The following DOCK4 variants were observed in gnomAD, a reference collection of about 807,000 sequenced individuals.
DOCK4 encodes the protein dedicator of cytokinesis 4, also known as dedicator of cytokinesis protein 4.
In DOCK4, 97 loss-of-function variants were observed where a neutral mutation model predicts 268.1. That is an observed-to-expected ratio of 0.36 (90% confidence interval 0.31 to 0.43). The LOEUF is 0.43. DOCK4 is among the 20% of genes least tolerant of loss of function. The pLI is 1.00. For synonymous variants in DOCK4, 954 were observed against 887.2 expected (o/e 1.08, Z -1.34); for missense variants, 2,145 against 2,455.7 (o/e 0.87, Z 2.67).
At chr7:111,892,923 A>T (rs1383119080) in intron 16 of DOCK4, among the ~76,000 whole-genome samples, 2 of 152,184 alleles carry the variant, frequency 1.3e-5, no homozygotes, top group African/African-American at 4.8e-5. Context: ...AAGAAAACTC[A>T]GCTACTTGGG....
chr7:112,061,261 C>G (rs529068489), intron 1 of DOCK4, among the ~76,000 whole-genome samples: 1 of 152,288 alleles, frequency 6.6e-6, no homozygotes, highest in African/African-American at 2.4e-5. Context: ...TATTGCCCCC[C>G]ACTGCAAATA....
At chr7:112,023,504 C>T in intron 1 of DOCK4, 1 of 343,552 alleles carries the variant, frequency 2.9e-6, no homozygotes. Context: ...TCTCACGGAG[C>T]AAAAGCTCAG....
intron 1 of DOCK4, among the ~76,000 whole-genome samples, chr7:112,031,052 G>A (rs1803229593): frequency 6.6e-6 from 1 of 152,194 alleles, no homozygotes; most frequent in African/African-American, 2.4e-5. Context: ...GAACAGGGCA[G>A]AGGGAAAAAC....
In DOCK4 at chr7:112,074,889, C is replaced by T. The variant is rs551898196; in HGVS notation, c.38-70758G>A. Among the ~76,000 whole-genome samples the T allele has an allele frequency of 1.7e-3, 254 of 152,318 alleles. 1 individual carries two copies. The highest frequency in any genetic ancestry group is 0.01 in the Middle Eastern group (3 of 294). ...TTCTCTTCTCAGAGATCTATTTCAGCTCTACAGGGCTCCTCCTCTAAGTTT... is the reference window on the plus strand; with the variant it reads ...TTCTCTTCTCAGAGATCTATTTCAGTTCTACAGGGCTCCTCCTCTAAGTTT... On this transcript the variant is annotated intron_variant, in intron 1 of 52. Transcript: ENST00000428084.
At chr7:111,950,353 T>C (rs1019337784) in intron 8 of DOCK4, among the ~76,000 whole-genome samples, 2 of 152,270 alleles carry the variant, frequency 1.3e-5, no homozygotes, top group African/African-American at 4.8e-5. Flanking sequence ...CTGTGGTAAG[T>C]ATGATCAGAT....
At chr7:111,783,014 GAAAGAAA>G in intron 34 of DOCK4, 90 bp from the exon 35 acceptor site, 9 of 412,680 alleles carry the variant, frequency 2.2e-5, no homozygotes, top group African/African-American at 3.1e-5. Flanking sequence ...AAGAAAGAAA[GAAAGAAA>G]AAAAAAAAAA....
chr7:112,001,077 C>T (rs1162590661), intron 2 of DOCK4, among the ~76,000 whole-genome samples: 1 of 152,172 alleles, frequency 6.6e-6, no homozygotes, highest in Non-Finnish European at 1.5e-5. Context: ...AGATCAGTCT[C>T]ATATCATACA....
chr7:111,891,578 TCTTATTATCTTCTTCCAAAAA>T (rs1808291641), intron 16 of DOCK4, among the ~76,000 whole-genome samples: 1 of 152,214 alleles, frequency 6.6e-6, no homozygotes, highest in Non-Finnish European at 1.5e-5. Flanking sequence ...GCTCACCTTG[TCTTATTATCTTCTTCCAAAAA>T]ATACCAACAT....
At chr7:112,037,351 G>A (rs145768532) in intron 1 of DOCK4, among the ~76,000 whole-genome samples, 75 of 152,226 alleles carry the variant, frequency 4.9e-4, no homozygotes, top group South Asian at 1.5e-3. Context: ...ATTGTCAGTC[G>A]AGAAGCATCT....
In DOCK4 at chr7:111,940,106, T is replaced by C. The variant is rs758299430; in HGVS notation, c.977+4A>G. On this transcript the variant is annotated splice_donor_region_variant and intron_variant, in intron 11 of 52. Transcript: ENST00000428084. ...CCAGCCATCACCACGTGCATGTTTC[T>C]TACATGTATACTTTCAGAATGAGGT... 6.2e-7 allele frequency: 1 copy of C among 1,613,974 alleles called. No homozygotes were observed. The highest frequency in any genetic ancestry group is 8.5e-7 in the Non-Finnish European group (1 of 1,179,856).
At chr7:111,975,695 T>C (rs1480526747) in intron 8 of DOCK4, among the ~76,000 whole-genome samples, 5 of 152,158 alleles carry the variant, frequency 3.3e-5, no homozygotes, top group East Asian at 1.9e-4. Context: ...TCTATGGACA[T>C]AGTCCACTGT....
chr7:111,862,961 A>T, intron 23 of DOCK4: 1 of 202,180 alleles, frequency 4.9e-6, no homozygotes, highest in East Asian at 1.6e-4. Flanking sequence ...CAGTTATTAT[A>T]ACAAAATTAA....
chr7:111,783,015 AAAG>A, intron 34 of DOCK4, 91 bp from the exon 35 acceptor site: 86 of 1,065,974 alleles, frequency 8.1e-5, no homozygotes, highest in South Asian at 1.2e-4. Context: ...AGAAAGAAAG[AAAG>A]AAAAAAAAAA....
At chr7:112,120,602 G>A (rs1231244683) in intron 1 of DOCK4, among the ~76,000 whole-genome samples, 1 of 152,138 alleles carries the variant, frequency 6.6e-6, no homozygotes, top group Non-Finnish European at 1.5e-5. Flanking sequence ...TTGACATAAA[G>A]TCAACTTCTA....
In DOCK4 at chr7:111,872,358, A is replaced by C. The variant is rs888558021; in HGVS notation, c.1843-6T>G. ...TCCAGTGTATCCTGCAGAAACTGTT[A>C]GATAAAGAAGTAGCAAATGAGTAAA... On this transcript the variant is annotated splice_polypyrimidine_tract_variant and splice_region_variant and intron_variant, in intron 18 of 52. Transcript: ENST00000428084. 2.6e-6 allele frequency: 4 copies of C among 1,543,878 alleles called. No individual in the cohort carries two copies. Among genetic ancestry groups the C allele is most frequent in the Non-Finnish European group, 1.7e-6 (2 of 1,144,194 alleles).
At chr7:111,799,139 TAA>T (rs1422719539) in intron 30 of DOCK4, among the ~76,000 whole-genome samples, 2 of 152,066 alleles carry the variant, frequency 1.3e-5, no homozygotes, top group Non-Finnish European at 2.9e-5. Context: ...CCTACAGAAA[TAA>T]AAGAGGCCAC....
intron 35 of DOCK4, 124 bp from the exon 36 acceptor site, chr7:111,778,493 A>G: frequency 2.0e-6 from 1 of 500,294 alleles, no homozygotes; most frequent in Non-Finnish European, 3.5e-6. Context: ...CCATGTAAAT[A>G]TCTCTAAAAA....
intron 16 of DOCK4, among the ~76,000 whole-genome samples, chr7:111,890,666 T>TA (rs1232186113): frequency 6.6e-5 from 10 of 152,270 alleles, no homozygotes; most frequent in African/African-American, 2.4e-4. Flanking sequence ...ACAAAGTATT[T>TA]ACTATAACAG....
chr7:112,037,055 T>C (rs569887772), intron 1 of DOCK4, among the ~76,000 whole-genome samples: 23 of 152,190 alleles, frequency 1.5e-4, no homozygotes, highest in Non-Finnish European at 2.2e-4. Flanking sequence ...CCCAAGCTAG[T>C]GATATATGGT....
Sources: allele counts gnomAD v4.1 joint callset (sites outside exome capture counted in the v4.1 genomes callset), GRCh38; gene constraint gnomAD v4.1.1; transcripts MANE v1.5; gene names NCBI Gene and HGNC (gene_info 2026-07-23, HGNC 2026-07-21).